The following LBH variants were observed in gnomAD, a reference collection of about 807,000 sequenced individuals.
LBH encodes LBH regulator of Wnt signaling pathway.
In LBH, 7 loss-of-function variants were observed where a neutral mutation model predicts 12.5. That is an observed-to-expected ratio of 0.56 (90% CI 0.32 to 1.05). The LOEUF (loss-of-function observed/expected upper bound fraction) is 1.05. Ranked by LOEUF, LBH falls within the 50% of genes least tolerant of loss-of-function variation. The probability of loss-of-function intolerance (pLI) is 0.04; values close to 1 mark genes in which losing one functional copy is unlikely to be tolerated. For synonymous variants in LBH, 51 were observed against 50.1 expected (o/e 1.02, Z -0.08); for missense variants, 119 against 138.9 (o/e 0.86, Z 0.72).
At chr2:30,233,011 C>T (rs982077175) in intron 1 of LBH, 1 of 152,328 alleles carries the variant, frequency 6.6e-6, no homozygotes, top group African/African-American at 2.4e-5. Flanking sequence ...GCTTGTGTAC[C>T]CTTCTTGTGG....
intron 2 of LBH, among the ~76,000 whole-genome samples, chr2:30,235,666 T>C (rs1290187994): frequency 6.7e-6 from 1 of 149,494 alleles, no homozygotes; most frequent in Non-Finnish European, 1.5e-5. Context: ...TTAGAACTGT[T>C]CCAGGGACAT....
intron 2 of LBH, among the ~76,000 whole-genome samples, chr2:30,238,983 G>A (rs1677738212): frequency 6.8e-6 from 1 of 147,606 alleles, no homozygotes; most frequent in Non-Finnish European, 1.5e-5. Context: ...TCCACTTCCC[G>A]GGTTCAAGCG....
chr2:30,235,683 T>C (rs1397941063), intron 2 of LBH, among the ~76,000 whole-genome samples: 1 of 122,166 alleles, frequency 8.2e-6, no homozygotes, highest in Non-Finnish European at 1.6e-5. Context: ...ACATTTATTT[T>C]GTAAATTAAA....
intron 2 of LBH, among the ~76,000 whole-genome samples, chr2:30,240,359 T>G (rs1677770186): frequency 6.6e-6 from 1 of 152,236 alleles, no homozygotes; most frequent in South Asian, 2.1e-4. Flanking sequence ...ATGTTGTGAC[T>G]GTAGCCAAGA....
chr2:30,253,358 C>G (rs143722589), intron 2 of LBH, among the ~76,000 whole-genome samples: 1 of 152,256 alleles, frequency 6.6e-6, no homozygotes, highest in East Asian at 1.9e-4. Flanking sequence ...GCTGTTGGTT[C>G]TGGGTACTTT....
intron 2 of LBH, among the ~76,000 whole-genome samples, chr2:30,254,585 G>A (rs116363933): frequency 0.012 from 1,744 of 146,786 alleles, 35 homozygotes; most frequent in African/African-American, 0.041. Context: ...CCTCCTCTTC[G>A]TCCTCTTCCT....
chr2:30,237,400 T>C (rs114979163), intron 2 of LBH, among the ~76,000 whole-genome samples: 2,002 of 151,284 alleles, frequency 0.013, 42 homozygotes, highest in African/African-American at 0.044. Context: ...TTTCTTTTAA[T>C]GCCTGTGGCA....
intron 2 of LBH, among the ~76,000 whole-genome samples, chr2:30,244,923 A>G (rs1313352460): frequency 6.6e-6 from 1 of 152,208 alleles, no homozygotes; most frequent in African/African-American, 2.4e-5. Flanking sequence ...GAAAAAAAAG[A>G]AACCTCAATA....
intron 2 of LBH, among the ~76,000 whole-genome samples, chr2:30,253,715 G>GT (rs1678028139): frequency 6.6e-6 from 1 of 152,106 alleles, no homozygotes; most frequent in Non-Finnish European, 1.5e-5. Flanking sequence ...GCTTACTGTA[G>GT]TTCTTTTGAA....
intron 2 of LBH, among the ~76,000 whole-genome samples, chr2:30,247,878 C>A (rs1428015444): frequency 2.0e-5 from 3 of 152,210 alleles, no homozygotes; most frequent in African/African-American, 7.2e-5. Context: ...TATGTTAATT[C>A]TCGCCAAGGT....
At chr2:30,254,428 G>C (rs1678043305) in intron 2 of LBH, among the ~76,000 whole-genome samples, 1 of 152,134 alleles carries the variant, frequency 6.6e-6, no homozygotes. Flanking sequence ...TGGATAAGTT[G>C]GGGGGTGGTA....
At chr2:30,232,104 A>G in intron 1 of LBH, 2 of 1,539,510 alleles carry the variant, frequency 1.3e-6, no homozygotes, top group Non-Finnish European at 1.8e-6. Context: ...CGCGCGCCCC[A>G]CTTGGCGCAG....
chr2:30,259,528 A>C lies in LBH; in HGVS notation c.*1907A>C, dbSNP rs1678153417. ...TGTGGACGGGGGTCTTGCCTTTTCA[A>C]TTCCTGTGTTTTGGTGTCTTCCCTT... On this transcript the variant is annotated 3_prime_UTR_variant, in exon 3 of 3. Coordinates refer to ENST00000395323, the MANE Select transcript of LBH (RefSeq NM_030915.4). 1 of 152,858 alleles carries C rather than the reference A, an allele frequency of 6.5e-6. No homozygotes were observed. Among genetic ancestry groups the C allele is most frequent in the African/African-American group, 2.4e-5 (1 of 41,374 alleles). The allele number at this position is 152,858 out of a possible 1,614,324, so 9.5% of individuals were successfully genotyped here.
chr2:30,236,143 G>GTCA (rs1677686440), intron 2 of LBH, among the ~76,000 whole-genome samples: 1 of 152,196 alleles, frequency 6.6e-6, no homozygotes, highest in South Asian at 2.1e-4. Flanking sequence ...TCCAAATGCA[G>GTCA]TCATCTGTTC....
At chr2:30,248,293 G>A (rs1177006840) in intron 2 of LBH, among the ~76,000 whole-genome samples, 2 of 152,176 alleles carry the variant, frequency 1.3e-5, no homozygotes, top group Non-Finnish European at 2.9e-5. Flanking sequence ...AGTCGTCCTG[G>A]TAGTGCACTG....
chr2:30,242,756 G>A (rs1677811947), intron 2 of LBH, among the ~76,000 whole-genome samples: 2 of 152,026 alleles, frequency 1.3e-5, no homozygotes, highest in African/African-American at 4.8e-5. Context: ...TTGTCATTTG[G>A]TTTTCTTTGT....
At chr2:30,250,575 G>A (rs922263383) in intron 2 of LBH, among the ~76,000 whole-genome samples, 1 of 151,226 alleles carries the variant, frequency 6.6e-6, no homozygotes, top group Non-Finnish European at 1.5e-5. Flanking sequence ...CAGGTGCCAG[G>A]CATCTCTCTC....
intron 1 of LBH, 54 bp downstream of exon 1, chr2:30,231,818 C>G (rs1677590082): frequency 1.3e-6 from 2 of 1,504,390 alleles, no homozygotes; most frequent in Admixed American, 2.2e-5. Flanking sequence ...GGCTGCGGGC[C>G]CGGGCGCCTG....
At chr2:30,257,282 C>T (rs748497048) in intron 2 of LBH, 151 bp from the exon 3 acceptor site, 135 of 738,826 alleles carry the variant, frequency 1.8e-4, no homozygotes, top group Non-Finnish European at 2.3e-4. Flanking sequence ...CCGTGGCTCC[C>T]ACCTTATATA....
Sources: allele counts gnomAD v4.1 joint callset (sites outside exome capture counted in the v4.1 genomes callset), GRCh38; gene constraint gnomAD v4.1.1; transcripts MANE v1.5; gene names NCBI Gene and HGNC (gene_info 2026-07-23, HGNC 2026-07-21).